The following YIPF2 variants were observed in gnomAD, a reference collection of about 807,000 sequenced individuals.
YIPF2 encodes Yip1 domain family member 2, also known as protein YIPF2.
Under a neutral mutation model 38.8 loss-of-function variants are expected in YIPF2, and 30 were observed. The ratio of observed to expected loss-of-function variants is 0.77; its 90% CI spans 0.58 to 1.05. YIPF2 has a LOEUF of 1.05. Ranked by LOEUF, YIPF2 falls within the 50% of genes least tolerant of loss-of-function variation. The probability of loss-of-function intolerance (pLI) is 0.00; values close to 1 mark genes in which losing one functional copy is unlikely to be tolerated. For missense variants in YIPF2, 401 were observed against 409.7 expected (o/e 0.98, Z 0.18); for synonymous variants, 194 against 183.8 (o/e 1.06, Z -0.45).
In YIPF2 at chr19:10,923,662, G is replaced by C; in HGVS notation, c.667C>G (p.Pro223Ala). 6.2e-7 allele frequency: 1 copy of C among 1,609,806 alleles called. No individual in the cohort carries two copies. The highest frequency in any genetic ancestry group is 8.5e-7 in the Non-Finnish European group (1 of 1,177,220). Residue 223 changes from proline (P) to alanine (A), a missense_variant, in exon 8 of 10, where the codon CCT (proline) becomes GCT (alanine). Coordinates refer to ENST00000586748, the MANE Select transcript of YIPF2 (RefSeq NM_001321439.2). ...AAGAGCCACTGCAGCCAAGGCACAGGGATGAGCCACAGGACCTGGGAGCAA... is the reference window on the plus strand; with the variant it reads ...AAGAGCCACTGCAGCCAAGGCACAGCGATGAGCCACAGGACCTGGGAGCAA... ...FIPMVVLWLI[P>A]VPWLQWLFGA... is the part of the protein sequence containing the mutation.
chr19:10,927,691 T>C lies in YIPF2; in HGVS notation c.218A>G (p.Gln73Arg), dbSNP rs561710353. 1.5e-5 allele frequency: 25 copies of C among 1,613,432 alleles called. No individual in the cohort carries two copies. In the South Asian group the frequency reaches 2.5e-4, roughly 16 times the overall value. The change falls in exon 4 of 10, where the codon CAG becomes CGG. Residue 73 changes from glutamine (Q) to arginine (R), a missense_variant. Gln to Arg is a conservative substitution (Grantham distance 43, BLOSUM62 1). Transcript: ENST00000586748. ...GCTGAAGGTCCAGAATCCCGGCTGC[T>C]GCTGCTGCTGCTGCTCCTGCAGGAG... Reference protein sequence around the residue: ...AALLQEQQQQQQPGFWTFSYY... With the variant: ...AALLQEQQQQRQPGFWTFSYY...
chr19:10,924,321 G>A (rs576605989), intron 5 of YIPF2, 129 bp from the exon 6 acceptor site: 13 of 783,590 alleles, frequency 1.7e-5, no homozygotes, highest in African/African-American at 6.9e-5. Context: ...CCAGGACACC[G>A]GGGGCCTCCT....
chr19:10,925,295 G>A lies in YIPF2; in HGVS notation c.367+391C>T, dbSNP rs150946429. ...GGAGGCTTGTGTGATCTGTCCCCTCGCCTGTGACCTCCCTGCAGCTCACTC... is the reference window on the plus strand; with the variant it reads ...GGAGGCTTGTGTGATCTGTCCCCTCACCTGTGACCTCCCTGCAGCTCACTC... On this transcript the variant is annotated intron_variant, in intron 5 of 9. Coordinates refer to ENST00000586748, the MANE Select transcript of YIPF2 (RefSeq NM_001321439.2). Among the ~76,000 whole-genome samples, 138 of 151,340 alleles carry A rather than the reference G, an allele frequency of 9.1e-4. 1 individual carries two copies. The highest frequency in any genetic ancestry group is 1.4e-3 in the Non-Finnish European group (95 of 67,888).
rs1336149325 is a variant in YIPF2 at position 10,928,577 on chromosome 19, C to A, written c.-97G>T. ...CCGTCCCCACAGGTGCGCTCCGCCC[C>A]CCCTCACCTGAGGCCACCTGGGCCG... is the stretch of plus-strand genomic sequence containing the variant. On this transcript the variant is annotated 5_prime_UTR_variant, in exon 1 of 10. Coordinates refer to ENST00000586748, the MANE Select transcript of YIPF2 (RefSeq NM_001321439.2). 2.9e-5 allele frequency: 31 copies of A among 1,059,148 alleles called. No individual in the cohort carries two copies. The highest frequency in any genetic ancestry group is 3.7e-5 in the Non-Finnish European group (29 of 782,172). 65.6% of individuals were successfully genotyped at this position (1,059,148 alleles called of 1,614,324 possible).
At chr19:10,923,452 C>G (rs1344406990) in intron 8 of YIPF2, 43 bp downstream of exon 8, 4 of 1,612,976 alleles carry the variant, frequency 2.5e-6, no homozygotes, top group Non-Finnish European at 3.4e-6. Flanking sequence ...GCCCATGCCC[C>G]CCTAGCCCCT....
At chr19:10,927,476 T>C (rs1260882384) in intron 4 of YIPF2, 154 bp downstream of exon 4, 11 of 980,168 alleles carry the variant, frequency 1.1e-5, no homozygotes, top group African/African-American at 1.6e-5. Flanking sequence ...TGTGTTCCCA[T>C]AGTCCCGATC....
intron 5 of YIPF2, 71 bp downstream of exon 5, chr19:10,925,615 A>G: frequency 6.4e-7 from 1 of 1,565,910 alleles, no homozygotes; most frequent in Non-Finnish European, 8.8e-7. Flanking sequence ...GCAGCTATAC[A>G]CTGGCATCTG....
intron 5 of YIPF2, among the ~76,000 whole-genome samples, chr19:10,925,104 T>C (rs1329479212): frequency 6.6e-6 from 1 of 151,848 alleles, no homozygotes; most frequent in Admixed American, 6.6e-5. Context: ...TGGTGGCACG[T>C]GCCTGTAATC....
Position 10,924,010 on chromosome 19 carries a change from C to A in YIPF2, c.485-11G>T, listed in dbSNP as rs976517800. On this transcript the variant is annotated splice_polypyrimidine_tract_variant and intron_variant, in intron 6 of 9. Transcript: ENST00000586748. ...TGCCTGCCACGGTCACTGGGGGGGG[C>A]AAGGTGAGCAGTCACCCCCTGTACC... 1 of 1,611,614 alleles carries A rather than the reference C, an allele frequency of 6.2e-7. No individual in the cohort carries two copies. Among genetic ancestry groups the A allele is most frequent in the East Asian group, 2.2e-5 (1 of 44,856 alleles).
At chr19:10,924,258 T>C in intron 5 of YIPF2, 66 bp from the exon 6 acceptor site, 14 of 1,444,566 alleles carry the variant, frequency 9.7e-6, no homozygotes, top group Non-Finnish European at 1.3e-5. Flanking sequence ...ACATGTATCC[T>C]GACTGAGCTG....
chr19:10,927,061 G>A (rs2083436703), intron 4 of YIPF2, among the ~76,000 whole-genome samples: 2 of 151,680 alleles, frequency 1.3e-5, no homozygotes, highest in South Asian at 2.1e-4. Context: ...TAGTAGAGAC[G>A]GGGTTTCACC....
chr19:10,925,903 CTCTTT>C, intron 4 of YIPF2, 130 bp from the exon 5 acceptor site: 1 of 635,760 alleles, frequency 1.6e-6, no homozygotes, highest in Non-Finnish European at 2.6e-6. Flanking sequence ...GCCTTTCCCT[CTCTTT>C]TTTTTTTTTT....
At position 10,927,618 on chromosome 19, in the gene YIPF2, C is replaced by G. The variant is rs2083446876; in HGVS notation, c.279+12G>C. 2 of 1,613,080 alleles carry G rather than the reference C, an allele frequency of 1.2e-6. No homozygotes were observed. The highest frequency in any genetic ancestry group is 2.7e-5 in the African/African-American group (2 of 74,910). On this transcript the variant is annotated intron_variant, in intron 4 of 9. Coordinates refer to ENST00000586748, the MANE Select transcript of YIPF2 (RefSeq NM_001321439.2). The stretch of plus-strand genomic sequence containing the variant: ...ACTCTGAGCCCCATCCCACCTGCCT[C>G]CCCAGCCTGACCTGTGAGGTGTCCA...
Position 10,925,759 on chromosome 19 carries a change from G to C in YIPF2, c.294C>G (p.Ile98Met), listed in dbSNP as rs983538877. ...DVDTSQVLDR[I>M]KGSLLPRPGH... Reference sequence around the variant, plus strand: ...CAGGCCGGGGCAGCAGTGAGCCTTTGATCCGGTCCAGGACCTGGGGGCAAG... The same window carrying C: ...CAGGCCGGGGCAGCAGTGAGCCTTTCATCCGGTCCAGGACCTGGGGGCAAG... Residue 98 changes from isoleucine to methionine, a missense_variant, in exon 5 of 10, where the codon ATC becomes ATG. Physicochemically the swap from Ile to Met is conservative, Grantham distance 10. Transcript: ENST00000586748. 1.1e-4 allele frequency: 181 copies of C among 1,613,712 alleles called. No individual in the cohort carries two copies. Among genetic ancestry groups the C allele is most frequent in the Middle Eastern group, 3.3e-4 (2 of 6,078 alleles).
In YIPF2 at chr19:10,928,636, G is replaced by C; in HGVS notation, c.-156C>G. The C allele has an allele frequency of 1.2e-6, 1 of 837,572 alleles. No individual in the cohort carries two copies. The highest frequency in any genetic ancestry group is 1.7e-6 in the Non-Finnish European group (1 of 580,850). 51.9% of individuals were successfully genotyped at this position (837,572 alleles called of 1,614,324 possible). A position where few individuals can be genotyped will look rare whatever the true frequency, so the allele number is the denominator to read the frequency against. The stretch of plus-strand genomic sequence containing the variant: ...GGGGCTCTCTGCGCCTGCGCGTCTC[G>C]CCTACCCGTCAGACTCCAACCGACT... On this transcript the variant is annotated 5_prime_UTR_variant, in exon 1 of 10. Coordinates refer to ENST00000586748, the MANE Select transcript of YIPF2 (RefSeq NM_001321439.2).
chr19:10,927,954 C>A lies in YIPF2; in HGVS notation c.37G>T (p.Glu13Ter). ...SADELTFHEF[E>*]EATNLLADTP... ...TCAGCCAGAAGATTAGTGGCCTCCT[C>A]GAATTCTGTGGAGGAGGTATATGGG... The change falls in exon 3 of 10, where the codon GAG (glutamate) becomes TAG (stop). Residue 13 changes from glutamate (E) to a stop codon, truncating the protein, a stop_gained. Transcript: ENST00000586748. LOFTEE classifies it high-confidence loss of function. The A allele has an allele frequency of 6.2e-7, 1 of 1,604,870 alleles. No individual in the cohort carries two copies. Among genetic ancestry groups the A allele is most frequent in the Non-Finnish European group, 8.5e-7 (1 of 1,172,720 alleles).
chr19:10,927,659 G>C lies in YIPF2; in HGVS notation c.250C>G (p.Gln84Glu). 2 of 1,613,874 alleles carry C rather than the reference G, an allele frequency of 1.2e-6. No homozygotes were observed. Among genetic ancestry groups the C allele is most frequent in the Non-Finnish European group, 1.7e-6 (2 of 1,180,018 alleles). The change falls in exon 4 of 10, where the codon CAG (glutamine) becomes GAG (glutamate). Residue 84 changes from glutamine (Q) to glutamate (E), a missense_variant. Transcript: ENST00000586748. ...GAGGTGTCCACGTCAAAGAAGCTCT[G>C]ATAGTAGCTGAAGGTCCAGAATCCC... is the stretch of plus-strand genomic sequence containing the variant. ...QPGFWTFSYYQSFFDVDTSQV... is the reference protein window; with the variant it reads ...QPGFWTFSYYESFFDVDTSQV...
chr19:10,924,762 C>T (rs548578711), intron 5 of YIPF2, among the ~76,000 whole-genome samples: 20 of 149,324 alleles, frequency 1.3e-4, no homozygotes, highest in African/African-American at 4.9e-4. Flanking sequence ...CCTCCCACTC[C>T]CCCCACCCCC....
chr19:10,928,286 A>G lies in YIPF2; in HGVS notation c.31+94T>C, dbSNP rs181536097. ...CCTGGGTCAGGGTTCACAGCCGCCT[A>G]GGCTTCGGGGTAGAGAAATTGGAAG... On this transcript the variant is annotated intron_variant, in intron 2 of 9. Transcript: ENST00000586748. 63 of 1,304,802 alleles carry G rather than the reference A, an allele frequency of 4.8e-5. No homozygotes were observed. In the Admixed American group the frequency reaches 7.7e-4, roughly 16 times the overall value. The allele number at this position is 1,304,802 out of a possible 1,614,324, so 80.8% of individuals were successfully genotyped here. A position where few individuals can be genotyped will look rare whatever the true frequency, so the allele number is the denominator to read the frequency against.
Sources: allele counts gnomAD v4.1 joint callset (sites outside exome capture counted in the v4.1 genomes callset), GRCh38; gene constraint gnomAD v4.1.1; transcripts MANE v1.5; gene names NCBI Gene and HGNC (gene_info 2026-07-23, HGNC 2026-07-21).